IRAK3: variants seen among roughly 807,000 people sequenced by gnomAD.
IRAK3 encodes interleukin-1 receptor-associated kinase 3.
In IRAK3, 57 loss-of-function variants were observed where a neutral mutation model predicts 56.6. That is an observed-to-expected ratio of 1.01 (90% CI 0.81 to 1.26). The LOEUF is 1.26. Ranked by LOEUF, IRAK3 falls within the 50% of genes most tolerant of loss-of-function variation. The probability of loss-of-function intolerance (pLI) is 0.00; values close to 1 mark genes in which losing one functional copy is unlikely to be tolerated. For synonymous variants in IRAK3, 258 were observed against 255.7 expected (o/e 1.01, Z -0.09); for missense variants, 703 against 719.0 (o/e 0.98, Z 0.25).
chr12:66,247,928 T>A lies in IRAK3; in HGVS notation c.1548T>A (p.Phe516Leu). Residue 516 changes from phenylalanine to leucine, a missense_variant, in exon 12 of 12, where the codon TTT (phenylalanine) becomes TTA (leucine). Coordinates refer to ENST00000261233, the MANE Select transcript of IRAK3 (RefSeq NM_007199.3). ...PFECSQSEVM[F>L]LSLDKKPESK... ...AATGCAGCCAGTCTGAGGTTATGTT[T>A]CTGAGCTTGGACAAAAAGCCAGAGA... The A allele has an allele frequency of 6.2e-7, 1 of 1,614,180 alleles. No individual in the cohort carries two copies. The highest frequency in any genetic ancestry group is 8.5e-7 in the Non-Finnish European group (1 of 1,180,026).
chr12:66,242,651 A>G (rs1355907545), intron 8 of IRAK3, among the ~76,000 whole-genome samples: 1 of 152,218 alleles, frequency 6.6e-6, no homozygotes, highest in Non-Finnish European at 1.5e-5. Flanking sequence ...CCTTCCATAA[A>G]TGCTAAGAGC....
chr12:66,234,484 A>T, intron 8 of IRAK3: 1 of 1,611,846 alleles, frequency 6.2e-7, no homozygotes, highest in South Asian at 1.1e-5. Flanking sequence ...GTGAAGGATA[A>T]AATCCGTTTT....
At position 66,218,122 on chromosome 12, in the gene IRAK3, G is replaced by C. The variant is rs547498840; in HGVS notation, c.653+887G>C. On this transcript the variant is annotated intron_variant, in intron 6 of 11. Coordinates refer to ENST00000261233, the MANE Select transcript of IRAK3 (RefSeq NM_007199.3). ...CCCACCATTATCATCCAACCACCCA[G>C]CTGATCTTTCCAAAGTAACAGTATT... is the stretch of plus-strand genomic sequence containing the variant. Among the ~76,000 whole-genome samples the C allele has an allele frequency of 1.2e-4, 19 of 152,238 alleles. No homozygotes were observed. The South Asian group carries it at 3.7e-3, about 30-fold the overall frequency.
At chr12:66,222,908 T>G (rs2052748986) in intron 6 of IRAK3, among the ~76,000 whole-genome samples, 1 of 152,108 alleles carries the variant, frequency 6.6e-6, no homozygotes, top group Admixed American at 6.5e-5. Flanking sequence ...TTTAATCACC[T>G]GGGTGCAGGC....
chr12:66,224,262 A>C (rs2052764451), intron 6 of IRAK3, among the ~76,000 whole-genome samples: 1 of 152,222 alleles, frequency 6.6e-6, no homozygotes, highest in Non-Finnish European at 1.5e-5. Context: ...CTTTTCTATA[A>C]GATCCAAGTT....
At chr12:66,241,100 G>A (rs952781004) in intron 8 of IRAK3, among the ~76,000 whole-genome samples, 5 of 151,978 alleles carry the variant, frequency 3.3e-5, no homozygotes, top group African/African-American at 1.2e-4. Context: ...TTGTCCTAGA[G>A]ACCCCTACTA....
At chr12:66,226,984 T>A (rs546609502) in intron 7 of IRAK3, 147 bp downstream of exon 7, 11 of 679,020 alleles carry the variant, frequency 1.6e-5, no homozygotes, top group South Asian at 1.4e-4. Context: ...CAGTACTTCT[T>A]GGATTAATTT....
At chr12:66,216,764 CAA>C (rs976095010) in intron 5 of IRAK3, among the ~76,000 whole-genome samples, 1 of 152,116 alleles carries the variant, frequency 6.6e-6, no homozygotes, top group African/African-American at 2.4e-5. Flanking sequence ...CCAAATAACC[CAA>C]GTCATAAACA....
intron 5 of IRAK3, among the ~76,000 whole-genome samples, chr12:66,215,917 C>T (rs2052671573): frequency 3.3e-5 from 5 of 151,870 alleles, no homozygotes. Flanking sequence ...GGTTCATTAC[C>T]AATTACTTTT....
intron 2 of IRAK3, among the ~76,000 whole-genome samples, chr12:66,204,655 A>G (rs2136919923): frequency 6.6e-6 from 1 of 152,290 alleles, no homozygotes; most frequent in Non-Finnish European, 1.5e-5. Context: ...CAAGGCTCTT[A>G]GATTGGAAAC....
At chr12:66,244,378 A>G (rs1251746046) in intron 8 of IRAK3, 108 bp from the exon 9 acceptor site, 11 of 774,874 alleles carry the variant, frequency 1.4e-5, no homozygotes, top group Non-Finnish European at 2.5e-5. Flanking sequence ...TTATTTTGAC[A>G]GTGTTTCGAA....
Position 66,253,738 on chromosome 12 carries a change from C to T in IRAK3, c.*5567C>T, listed in dbSNP as rs2136960192. The T allele has an allele frequency of 6.6e-6, 1 of 152,278 alleles. No individual in the cohort carries two copies. The highest frequency in any genetic ancestry group is 1.9e-4 in the East Asian group (1 of 5,186). The allele number at this position is 152,278 out of a possible 1,614,324, so 9.4% of individuals were successfully genotyped here. On this transcript the variant is annotated 3_prime_UTR_variant, in exon 12 of 12. Coordinates refer to ENST00000261233, the MANE Select transcript of IRAK3 (RefSeq NM_007199.3). ...CGGAAATGCAGGCTCATTGTTGTGT[C>T]TAGTAGGTGCTAGGTGCATTCACAC...
intron 1 of IRAK3, among the ~76,000 whole-genome samples, chr12:66,202,806 A>G (rs2136918561): frequency 6.6e-6 from 1 of 152,042 alleles, no homozygotes; most frequent in African/African-American, 2.4e-5. Context: ...TGTTGTCTCA[A>G]AAAAATAAAA....
chr12:66,227,633 A>G (rs1470806317), intron 7 of IRAK3, among the ~76,000 whole-genome samples: 1 of 151,782 alleles, frequency 6.6e-6, no homozygotes, highest in Non-Finnish European at 1.5e-5. Flanking sequence ...ATGATGGCAC[A>G]TGCCTGTCCC....
rs1203532884 is a variant in IRAK3, at chr12:66,189,374, C to T, written c.75C>T (p.Leu25=). 2.0e-6 allele frequency: 3 copies of T among 1,529,616 alleles called. No homozygotes were observed. Among genetic ancestry groups the T allele is most frequent in the East Asian group, 2.5e-5 (1 of 40,784 alleles). 94.8% of individuals were successfully genotyped at this position (1,529,616 alleles called of 1,614,324 possible). A position where few individuals can be genotyped will look rare whatever the true frequency, so the allele number is the denominator to read the frequency against. Residue 25 remains leucine, a synonymous_variant, in exon 1 of 12, where the codon CTC becomes CTT. Coordinates refer to ENST00000261233, the MANE Select transcript of IRAK3 (RefSeq NM_007199.3). ...TGTTCGACCTGCCGCCCGCGCTGCT[C>T]GGAGAGCTCTGCGCTGTTCTGGACA... ...TLLFDLPPAL[L]GELCAVLDSC... is the part of the protein sequence containing the mutation.
intron 5 of IRAK3, among the ~76,000 whole-genome samples, chr12:66,215,968 G>A (rs571132215): frequency 1.3e-5 from 2 of 152,256 alleles, no homozygotes; most frequent in South Asian, 4.2e-4. Flanking sequence ...AGGTGTGTTA[G>A]ATCTGTGCTT....
Position 66,210,202 on chromosome 12 carries a change from G to A in IRAK3, c.436+1G>A. 1.3e-6 allele frequency: 2 copies of A among 1,597,428 alleles called. No homozygotes were observed. The highest frequency in any genetic ancestry group is 1.7e-6 in the Non-Finnish European group (2 of 1,165,898). On this transcript the variant is annotated splice_donor_variant, in intron 4 of 11. Coordinates refer to ENST00000261233, the MANE Select transcript of IRAK3 (RefSeq NM_007199.3). LOFTEE classifies it high-confidence loss of function. ...CTTATTCCTGAACATAATGAAAAAG[G>A]TATGAAAAAACCAGTTTTTTTCCAA...
chr12:66,209,530 G>A lies in IRAK3; in HGVS notation c.381+10G>A, dbSNP rs376280813. ...AAATATATTATTCAAGGTAGAGTAT[G>A]TGTGCATAGAAAATGAGCCTTGAAC... is the stretch of plus-strand genomic sequence containing the variant. On this transcript the variant is annotated intron_variant, in intron 3 of 11. Coordinates refer to ENST00000261233, the MANE Select transcript of IRAK3 (RefSeq NM_007199.3). 3.7e-5 allele frequency: 56 copies of A among 1,507,876 alleles called. No individual in the cohort carries two copies. The highest frequency in any genetic ancestry group is 4.9e-5 in the Non-Finnish European group (53 of 1,083,388). 93.4% of individuals were successfully genotyped at this position (1,507,876 alleles called of 1,614,324 possible). A position where few individuals can be genotyped will look rare whatever the true frequency, so the allele number is the denominator to read the frequency against.
chr12:66,248,964 G>C lies in IRAK3; in HGVS notation c.*793G>C, dbSNP rs1463973793. 2 of 151,986 alleles carry C rather than the reference G, an allele frequency of 1.3e-5. No homozygotes were observed. Among genetic ancestry groups the C allele is most frequent in the Admixed American group, 6.6e-5 (1 of 15,266 alleles). The allele number at this position is 151,986 out of a possible 1,614,324, so 9.4% of individuals were successfully genotyped here. On this transcript the variant is annotated 3_prime_UTR_variant, in exon 12 of 12. Coordinates refer to ENST00000261233, the MANE Select transcript of IRAK3 (RefSeq NM_007199.3). ...GTTTAATCTACACCTTTCAACTCTG[G>C]GCCTTCATTCCTGCTGTTTCTTGGA...
Sources: gnomAD v4.1 joint callset for allele counts (sites outside exome capture counted in the v4.1 genomes callset) on GRCh38, gnomAD v4.1.1 for gene constraint, MANE v1.5 for transcripts, NCBI Gene and HGNC (gene_info 2026-07-23, HGNC 2026-07-21) for gene names.